The following GABRA3 variants were observed in gnomAD, a reference collection of about 807,000 sequenced individuals.
GABRA3 encodes the protein gamma-aminobutyric acid receptor subunit alpha-3.
GABRA3 carries 10 observed loss-of-function variants against 30.1 expected under a neutral mutation model. The observed-to-expected ratio is 0.33, with a 90% CI of 0.20 to 0.56. The LOEUF is 0.56. GABRA3 is among the 20% of genes least tolerant of loss of function. The pLI, the probability that GABRA3 is intolerant of heterozygous loss-of-function variation, is 0.89. For missense variants in GABRA3, 233 were observed against 392.0 expected (o/e 0.59, Z 3.42); for synonymous variants, 151 against 146.8 (o/e 1.03, Z -0.21).
At chrX:152,253,188 A>T (rs1363887397) in intron 5 of GABRA3, among the ~76,000 whole-genome samples, 1 of 111,602 alleles carries the variant, frequency 9.0e-6, no homozygotes, top group African/African-American at 3.3e-5. Context: ...AGATGACTAG[A>T]TACCTGGCAT....
At chrX:152,268,109 G>A (rs996638104) in intron 4 of GABRA3, among the ~76,000 whole-genome samples, 1 of 109,528 alleles carries the variant, frequency 9.1e-6, no homozygotes, top group Non-Finnish European at 1.9e-5. Flanking sequence ...TTTCACTTAA[G>A]TGTCTATTGC....
intron 4 of GABRA3, among the ~76,000 whole-genome samples, chrX:152,282,452 G>A (rs190367647): frequency 8.9e-6 from 1 of 111,867 alleles, no homozygotes; most frequent in East Asian, 2.8e-4. Context: ...CCCGAAATAT[G>A]CTTTTTAGCC....
intron 1 of GABRA3, among the ~76,000 whole-genome samples, chrX:152,371,626 C>A (rs766996909): frequency 1.1e-4 from 12 of 111,337 alleles, no homozygotes; most frequent in African/African-American, 3.6e-4. Context: ...TTCCTCCAAC[C>A]CTTTCTCAAT....
chrX:152,342,416 G>A (rs976093331), intron 3 of GABRA3, among the ~76,000 whole-genome samples: 11 of 111,698 alleles, frequency 9.8e-5, no homozygotes, highest in African/African-American at 3.6e-4. Context: ...AGTTACATTA[G>A]ACTACATGAA....
rs1411850072 is a variant in GABRA3 at position 152,236,920 on chromosome X, G to A, written c.552-12075C>T. 7.1e-3 allele frequency among the ~76,000 whole-genome samples: 744 copies of A among 104,197 alleles called. 7 individuals are homozygous for A. The highest frequency in any genetic ancestry group is 9.6e-3 in the Non-Finnish European group (492 of 51,065). The allele number at this position is 104,197 out of a possible 115,157, so 90.5% of individuals were successfully genotyped here. On this transcript the variant is annotated intron_variant, in intron 5 of 9. Coordinates refer to ENST00000370314, the MANE Select transcript of GABRA3 (RefSeq NM_000808.4). ...GCCCTTTGTCAGATGAGTAGGTTGC[G>A]AAAATTTTCTCCCATTTTGTAGGTT... is the stretch of plus-strand genomic sequence containing the variant.
chrX:152,195,149 C>T (rs777644595), intron 8 of GABRA3, among the ~76,000 whole-genome samples: 1 of 111,764 alleles, frequency 8.9e-6, no homozygotes, highest in Admixed American at 9.5e-5. Context: ...TTTATATAAA[C>T]ATTTTAACAT....
intron 5 of GABRA3, among the ~76,000 whole-genome samples, chrX:152,243,640 C>T (rs141044635): frequency 3.0e-4 from 33 of 111,181 alleles, no homozygotes; most frequent in African/African-American, 9.8e-4. Flanking sequence ...GATGATACTA[C>T]AAAAGGAGTG....
rs1029162309 is a variant in GABRA3 at position 152,406,179 on chromosome X, C to A, written c.-26-41583G>T. ...CAAGATATATGAGAGAGAGGACCAA[C>A]AAAACAACCAGAAAACAAACGACAA... On this transcript the variant is annotated intron_variant, in intron 1 of 9. Transcript: ENST00000370314. Among the ~76,000 whole-genome samples the A allele has an allele frequency of 6.4e-5, 7 of 110,080 alleles. No individual in the cohort carries two copies. The Admixed American group carries it at 6.8e-4, about 11-fold the overall frequency.
intron 6 of GABRA3, among the ~76,000 whole-genome samples, chrX:152,213,451 T>A (rs1221821431): frequency 1.8e-5 from 2 of 111,472 alleles, no homozygotes; most frequent in East Asian, 5.6e-4. Flanking sequence ...AGGAGGGGTG[T>A]CATTAGATAC....
chrX:152,317,415 G>T (rs923999094), intron 3 of GABRA3, among the ~76,000 whole-genome samples: 3 of 111,385 alleles, frequency 2.7e-5, no homozygotes, highest in African/African-American at 9.8e-5. Flanking sequence ...AGGTCATCAA[G>T]ACCAAGTCAA....
At chrX:152,403,988 GA>G (rs1929864059) in intron 1 of GABRA3, among the ~76,000 whole-genome samples, 2 of 110,848 alleles carry the variant, frequency 1.8e-5, no homozygotes, top group South Asian at 3.8e-4. Context: ...AACTCAAGCA[GA>G]AAAAAAGATG....
rs190798650 is a variant in GABRA3, at chrX:152,215,119, T to G, written c.635-6975A>C. On this transcript the variant is annotated intron_variant, in intron 6 of 9. Coordinates refer to ENST00000370314, the MANE Select transcript of GABRA3 (RefSeq NM_000808.4). ...TTGACTTCCTCCTTTCCAATTTGGA[T>G]GCCTTTTATTTCTTTCTCTTGCCTA... Among the ~76,000 whole-genome samples, 113 of 108,482 alleles carry G rather than the reference T, an allele frequency of 1.0e-3. 1 individual carries two copies. Among genetic ancestry groups the G allele is most frequent in the African/African-American group, 3.4e-3 (101 of 29,956 alleles). 94.2% of individuals were successfully genotyped at this position (108,482 alleles called of 115,157 possible). A position where few individuals can be genotyped will look rare whatever the true frequency, so the allele number is the denominator to read the frequency against.
At chrX:152,346,588 C>A (rs1334041406) in intron 2 of GABRA3, among the ~76,000 whole-genome samples, 2 of 111,847 alleles carry the variant, frequency 1.8e-5, no homozygotes, top group Admixed American at 9.5e-5. Flanking sequence ...TGCAAACTAT[C>A]CATCTGACAA....
intron 1 of GABRA3, among the ~76,000 whole-genome samples, chrX:152,382,975 C>T (rs911093388): frequency 9.0e-6 from 1 of 111,568 alleles, no homozygotes; most frequent in Non-Finnish European, 1.9e-5. Flanking sequence ...CACATTTGTT[C>T]TTTTTGCTCA....
chrX:152,352,239 GCA>G (rs1256817420), intron 2 of GABRA3, among the ~76,000 whole-genome samples: 4 of 111,507 alleles, frequency 3.6e-5, no homozygotes, highest in Admixed American at 9.5e-5. Context: ...ATAAAGTGAA[GCA>G]CAGTCAAATG....
In GABRA3 at chrX:152,423,217, C is replaced by T. The variant is rs982713539; in HGVS notation, c.-27+27929G>A. ...TAGGTGTTGCCTCCTCACAGGGGAA[C>T]TTGTTGACACTTGGGCACAAATGGT... On this transcript the variant is annotated intron_variant, in intron 1 of 9. Transcript: ENST00000370314. 5.4e-5 allele frequency among the ~76,000 whole-genome samples: 6 copies of T among 111,905 alleles called. 1 individual carries two copies. The highest frequency in any genetic ancestry group is 1.6e-4 in the African/African-American group (5 of 30,856).
chrX:152,353,762 T>C (rs1362805422), intron 2 of GABRA3, among the ~76,000 whole-genome samples: 1 of 111,364 alleles, frequency 9.0e-6, no homozygotes, highest in Non-Finnish European at 1.9e-5. Context: ...TTGATATCCT[T>C]ACAATGGCGA....
intron 2 of GABRA3, among the ~76,000 whole-genome samples, chrX:152,363,520 A>C (rs1010946978): frequency 3.1e-4 from 34 of 111,302 alleles, no homozygotes; most frequent in Non-Finnish European, 5.7e-4. Context: ...AAGTAGGACA[A>C]ATCTTTTAGT....
chrX:152,219,246 C>T (rs945723269), intron 6 of GABRA3, among the ~76,000 whole-genome samples: 4 of 110,424 alleles, frequency 3.6e-5, no homozygotes, highest in Non-Finnish European at 5.7e-5. Flanking sequence ...TGGATGACAC[C>T]TAAATTAAAT....
Sources: gnomAD v4.1 joint callset for allele counts (sites outside exome capture counted in the v4.1 genomes callset) on GRCh38, gnomAD v4.1.1 for gene constraint, MANE v1.5 for transcripts, NCBI Gene and HGNC (gene_info 2026-07-23, HGNC 2026-07-21) for gene names.